The following MRM3 variants were observed in gnomAD, a reference collection of about 807,000 sequenced individuals.
The protein encoded by MRM3 is rRNA methyltransferase 3, mitochondrial.
A neutral mutation model predicts 29.4 loss-of-function variants in MRM3; 26 were observed. The observed-to-expected ratio is 0.89, with a 90% CI of 0.65 to 1.23. MRM3 has a LOEUF of 1.23. MRM3 is among the 50% of genes most tolerant of loss of function. MRM3 has a pLI of 0.00. For synonymous variants in MRM3, 225 were observed against 219.0 expected (o/e 1.03, Z -0.24); for missense variants, 578 against 540.2 (o/e 1.07, Z -0.69).
chr17:783,137 CCTG>C lies in MRM3; in HGVS notation c.373_375del (p.Leu125del), dbSNP rs1396227840. On this transcript the variant is annotated inframe_deletion, in exon 2 of 4. Transcript: ENST00000304478. Reference sequence around the variant, plus strand: ...CATTTCGGGAAAAACAAGGGAAGATCCTGCTGGAAGGTCGCAGGCTCATTTCAG... The same window carrying C: ...CATTTCGGGAAAAACAAGGGAAGATCCTGGAAGGTCGCAGGCTCATTTCAG... 6.2e-7 allele frequency: 1 copy of C among 1,613,902 alleles called. No individual in the cohort carries two copies. Among genetic ancestry groups the C allele is most frequent in the Non-Finnish European group, 8.5e-7 (1 of 1,179,984 alleles).
At chr17:783,815 G>T (rs1177606219) in intron 2 of MRM3, among the ~76,000 whole-genome samples, 1 of 152,138 alleles carries the variant, frequency 6.6e-6, no homozygotes, top group African/African-American at 2.4e-5. Context: ...CATTTGTGTT[G>T]TGGCTCTTTA....
rs755714754 is a variant in MRM3 at position 791,825 on chromosome 17, A to G, written c.1019A>G (p.Gln340Arg). 52 of 1,614,096 alleles carry G rather than the reference A, an allele frequency of 3.2e-5. No homozygotes were observed. Among genetic ancestry groups the G allele is most frequent in the Non-Finnish European group, 4.3e-5 (51 of 1,180,058 alleles). ...GATTGGCTGCCTCATGTTGAGGTTC[A>G]GAGTTACGACTCGGACTGGACAGAG... ...SQDWLPHVEV[Q>R]SYDSDWTEAP... The change falls in exon 4 of 4, where the codon CAG becomes CGG. Residue 340 changes from glutamine (Q) to arginine (R), a missense_variant. Transcript: ENST00000304478.
At chr17:785,374 A>G (rs922257656) in intron 2 of MRM3, among the ~76,000 whole-genome samples, 2 of 151,808 alleles carry the variant, frequency 1.3e-5, no homozygotes, top group African/African-American at 4.8e-5. Context: ...AAAACTTTAG[A>G]GATTAATAAT....
rs1258827062 is a variant in MRM3 at position 787,409 on chromosome 17, C to T, written c.560-556C>T. 6.6e-6 allele frequency among the ~76,000 whole-genome samples: 1 copy of T among 151,996 alleles called. No homozygotes were observed. The highest frequency in any genetic ancestry group is 1.5e-5 in the Non-Finnish European group (1 of 68,028). ...ACACATTTACATATGGACAGGTGTG[C>T]ATATATATAGGTAGATGCATAGAAC... On this transcript the variant is annotated intron_variant, in intron 2 of 3. Transcript: ENST00000304478. The surrounding 1 kb of genome is among the most constrained non-coding windows in gnomAD (Gnocchi z 4.1).
chr17:788,204 G>T (rs758681541), intron 3 of MRM3, 72 bp downstream of exon 3: 6 of 1,503,218 alleles, frequency 4.0e-6, no homozygotes, highest in East Asian at 4.5e-5. Flanking sequence ...GAGGCAGGAG[G>T]GTCACTTGAG....
intron 3 of MRM3, among the ~76,000 whole-genome samples, chr17:790,783 T>G (rs1373042754): frequency 3.1e-5 from 2 of 64,228 alleles, no homozygotes; most frequent in African/African-American, 2.1e-4. Flanking sequence ...TCACCTCCTG[T>G]GCCGCCACAG....
In MRM3 at chr17:788,066, G is replaced by A; in HGVS notation, c.661G>A (p.Gly221Arg). Residue 221 changes from glycine (G) to arginine (R), a missense_variant, in exon 3 of 4, where the codon GGG becomes AGG. Coordinates refer to ENST00000304478, the MANE Select transcript of MRM3 (RefSeq NM_018146.4). ...GATTTGTGACAATCTCCGTGACCCT[G>A]GGAACCTGGGGACAATTCTGAGATC... ...LLICDNLRDP[G>R]NLGTILRSAA... 1.9e-6 allele frequency: 3 copies of A among 1,614,164 alleles called. No homozygotes were observed. Among genetic ancestry groups the A allele is most frequent in the Non-Finnish European group, 2.5e-6 (3 of 1,180,022 alleles).
intron 2 of MRM3, among the ~76,000 whole-genome samples, chr17:786,305 G>A (rs541000842): frequency 2.6e-5 from 4 of 151,934 alleles, no homozygotes; most frequent in East Asian, 3.9e-4. Context: ...ACGAAGTCTC[G>A]ATCTGTCGCC....
intron 2 of MRM3, among the ~76,000 whole-genome samples, chr17:785,113 G>T (rs1021224119): frequency 9.9e-5 from 15 of 152,068 alleles, no homozygotes; most frequent in African/African-American, 3.6e-4. Context: ...ACTACAAAGG[G>T]ATTGAATATT....
rs1209699015 is a variant in MRM3 at position 787,756 on chromosome 17, C to T, written c.560-209C>T. The stretch of plus-strand genomic sequence containing the variant: ...TAGAGACGAGGTTTTGCCACGTTGG[C>T]CAGGCTGGTCTCGGACTCCTGACCT... On this transcript the variant is annotated intron_variant, in intron 2 of 3. Coordinates refer to ENST00000304478, the MANE Select transcript of MRM3 (RefSeq NM_018146.4). This position sits in a 1 kb window ranked among gnomAD's most constrained non-coding sequence, Gnocchi z 4.1. Among the ~76,000 whole-genome samples the T allele has an allele frequency of 6.6e-6, 1 of 152,202 alleles. No individual in the cohort carries two copies. The highest frequency in any genetic ancestry group is 2.4e-5 in the African/African-American group (1 of 41,458).
intron 1 of MRM3, 60 bp downstream of exon 1, chr17:782,752 C>G: frequency 6.7e-7 from 1 of 1,503,274 alleles, no homozygotes; most frequent in Non-Finnish European, 9.0e-7. Flanking sequence ...CACAGCGGAA[C>G]CTTAACCTCC....
chr17:788,953 C>T (rs937326925), intron 3 of MRM3, among the ~76,000 whole-genome samples: 1 of 152,166 alleles, frequency 6.6e-6, no homozygotes, highest in Non-Finnish European at 1.5e-5. Flanking sequence ...CCTTACCTGC[C>T]TCACGAGTAA....
Position 783,208 on chromosome 17 carries a change from G to C in MRM3, c.440G>C (p.Ser147Thr). The C allele has an allele frequency of 6.2e-7, 1 of 1,614,110 alleles. No homozygotes were observed. The highest frequency in any genetic ancestry group is 8.5e-7 in the Non-Finnish European group (1 of 1,180,028). Reference protein sequence around the residue: ...AGAVPKMFFFSRLEYLKELPV... With the variant: ...AGAVPKMFFFTRLEYLKELPV... ...GCTGTGCCAAAAATGTTCTTCTTTA[G>C]CCGTCTAGAATACCTAAAGGAGTTG... is the stretch of plus-strand genomic sequence containing the variant. The change falls in exon 2 of 4, where the codon AGC becomes ACC. Residue 147 changes from serine (S) to threonine (T), a missense_variant. Coordinates refer to ENST00000304478, the MANE Select transcript of MRM3 (RefSeq NM_018146.4).
intron 1 of MRM3, 99 bp downstream of exon 1, chr17:782,791 C>G: frequency 7.7e-7 from 1 of 1,296,604 alleles, no homozygotes; most frequent in Non-Finnish European, 1.0e-6. Context: ...TCCAGTACAG[C>G]CCGCTGGTTT....
rs1910835162 is a variant in MRM3, at chr17:791,775, A to AGAT, written c.971_973dup (p.Asp324dup). On this transcript the variant is annotated inframe_insertion, in exon 4 of 4. Transcript: ENST00000304478. ...AGTTTCACAAGTATGAGGAAGAGGA[A>AGAT]GATGTAGAAACCGGAGCCAGTCAAG... is the stretch of plus-strand genomic sequence containing the variant. 3.1e-6 allele frequency: 5 copies of AGAT among 1,614,222 alleles called. No individual in the cohort carries two copies. The highest frequency in any genetic ancestry group is 4.2e-6 in the Non-Finnish European group (5 of 1,180,046).
chr17:782,699 T>C lies in MRM3; in HGVS notation c.314+7T>C, dbSNP rs1235115248. 1.0e-5 allele frequency: 16 copies of C among 1,593,104 alleles called. No homozygotes were observed. Among genetic ancestry groups the C allele is most frequent in the Non-Finnish European group, 1.4e-5 (16 of 1,165,524 alleles). ...CCGGGGACAGGAGGCTGAGGTGATGTGGTTCTTGAGCCTGTCGAATGTTCT... is the reference window on the plus strand; with the variant it reads ...CCGGGGACAGGAGGCTGAGGTGATGCGGTTCTTGAGCCTGTCGAATGTTCT... On this transcript the variant is annotated splice_region_variant and intron_variant, in intron 1 of 3. Transcript: ENST00000304478.
rs1010264631 is a variant in MRM3, at chr17:792,095, G to A, written c.*26G>A. ...GGACGCAGAAGTGACTTCTGCTTGAGGACGTCTGCAGCTCCTCCTACACCA... is the reference window on the plus strand; with the variant it reads ...GGACGCAGAAGTGACTTCTGCTTGAAGACGTCTGCAGCTCCTCCTACACCA... On this transcript the variant is annotated 3_prime_UTR_variant, in exon 4 of 4. Transcript: ENST00000304478. 6.4e-7 allele frequency: 1 copy of A among 1,557,254 alleles called. No individual in the cohort carries two copies.
chr17:784,041 G>A (rs530367863), intron 2 of MRM3, among the ~76,000 whole-genome samples: 12 of 152,300 alleles, frequency 7.9e-5, no homozygotes, highest in South Asian at 2.1e-4. Flanking sequence ...TTACTGCCCC[G>A]TTTAGCCCAA....
chr17:783,466 A>G, intron 2 of MRM3, 139 bp downstream of exon 2: 1 of 803,062 alleles, frequency 1.2e-6, no homozygotes, highest in Non-Finnish European at 1.8e-6. Context: ...CCTCCGCAGT[A>G]GCTGGGATTA....
Sources: gnomAD v4.1 joint callset for allele counts (sites outside exome capture counted in the v4.1 genomes callset) on GRCh38, gnomAD v4.1.1 for gene constraint, Gnocchi (gnomAD v3.1) non-coding constraint, MANE v1.5 for transcripts, NCBI Gene and HGNC (gene_info 2026-07-23, HGNC 2026-07-21) for gene names.